LRBA: variants seen among roughly 807,000 people sequenced by gnomAD.
LRBA encodes the protein LPS responsive beige-like anchor protein.
Under a neutral mutation model 330.0 loss-of-function variants are expected in LRBA, and 176 were observed. The observed-to-expected ratio is 0.53, with a 90% CI of 0.47 to 0.60. LRBA has a LOEUF of 0.60. Among genes scored for constraint, LRBA ranks in the 20% least tolerant of loss-of-function variants. The pLI is 0.00. For synonymous variants in LRBA, 1,230 were observed against 1,193.0 expected (o/e 1.03, Z -0.64); for missense variants, 3,259 against 3,444.8 (o/e 0.95, Z 1.35).
chr4:150,906,435 A>G, intron 11 of LRBA, 30 bp from the exon 12 acceptor site: 1 of 1,196,542 alleles, frequency 8.4e-7, no homozygotes, highest in South Asian at 1.3e-5. Flanking sequence ...CGATGATTAA[A>G]AAAACATATT....
At chr4:150,569,868 A>C (rs969707988) in intron 40 of LRBA, among the ~76,000 whole-genome samples, 2 of 152,168 alleles carry the variant, frequency 1.3e-5, no homozygotes, top group Non-Finnish European at 2.9e-5. Flanking sequence ...TGTGTTAAAA[A>C]GCATAAGATG....
intron 47 of LRBA, among the ~76,000 whole-genome samples, chr4:150,384,674 C>T (rs1158333831): frequency 6.6e-6 from 1 of 151,296 alleles, no homozygotes; most frequent in Non-Finnish European, 1.5e-5. Flanking sequence ...TAGAGTAAAA[C>T]AATATATATT....
chr4:150,763,522 G>C (rs6852035), intron 34 of LRBA, among the ~76,000 whole-genome samples: 132,816 of 151,898 alleles, frequency 0.87, 58,457 homozygotes, highest in Non-Finnish European at 0.94. Flanking sequence ...TAATTTAAAA[G>C]CATTTTCTTT....
At chr4:150,385,981 T>TA (rs1743004054) in intron 47 of LRBA, among the ~76,000 whole-genome samples, 2 of 152,306 alleles carry the variant, frequency 1.3e-5, no homozygotes, top group Admixed American at 1.3e-4. Context: ...TCTAGATACT[T>TA]AGAGGAACAA....
intron 4 of LRBA, among the ~76,000 whole-genome samples, chr4:150,925,036 G>A (rs1733735896): frequency 6.6e-6 from 1 of 151,924 alleles, no homozygotes; most frequent in African/African-American, 2.4e-5. Context: ...CTGGCATGGT[G>A]GCACATGTCC....
At chr4:150,391,491 C>T (rs1448595306) in intron 47 of LRBA, among the ~76,000 whole-genome samples, 1 of 152,158 alleles carries the variant, frequency 6.6e-6, no homozygotes, top group East Asian at 1.9e-4. Context: ...AGATCAATTA[C>T]ACTCAAACAT....
intron 47 of LRBA, among the ~76,000 whole-genome samples, chr4:150,374,591 C>T (rs1338776099): frequency 6.6e-6 from 1 of 152,250 alleles, no homozygotes; most frequent in East Asian, 1.9e-4. Context: ...ATACGAAATG[C>T]TCCAAAGTCT....
At chr4:150,289,930 G>C (rs1384908805) in intron 53 of LRBA, among the ~76,000 whole-genome samples, 1 of 152,188 alleles carries the variant, frequency 6.6e-6, no homozygotes, top group African/African-American at 2.4e-5. Context: ...GGGTAGCGGG[G>C]ATAATCGGAG....
chr4:150,451,803 A>G (rs1398947634), intron 44 of LRBA, among the ~76,000 whole-genome samples: 1 of 152,190 alleles, frequency 6.6e-6, no homozygotes, highest in Non-Finnish European at 1.5e-5. Context: ...GCCAGTATCA[A>G]GAATGAATGA....
At chr4:150,848,668 C>T in intron 26 of LRBA, 150 bp downstream of exon 26, 1 of 493,898 alleles carries the variant, frequency 2.0e-6, no homozygotes. Context: ...AACTTACCAA[C>T]TACTACTATG....
chr4:150,269,760 G>A (rs1221255318), intron 56 of LRBA, among the ~76,000 whole-genome samples: 2 of 152,260 alleles, frequency 1.3e-5, no homozygotes, highest in Non-Finnish European at 2.9e-5. Flanking sequence ...ACCAGCCTGG[G>A]CAACATAGTG....
intron 15 of LRBA, among the ~76,000 whole-genome samples, chr4:150,897,449 C>T (rs1730212740): frequency 1.3e-5 from 2 of 151,890 alleles, no homozygotes; most frequent in African/African-American, 2.4e-5. Flanking sequence ...AGTTTAGTGC[C>T]AAATACTAAC....
intron 40 of LRBA, chr4:150,582,684 T>G: frequency 4.6e-6 from 1 of 217,160 alleles, no homozygotes; most frequent in Non-Finnish European, 9.1e-6. Flanking sequence ...GTTTTTTCCC[T>G]CTCCTTCTCC....
At chr4:150,500,685 C>A (rs1760155565) in intron 40 of LRBA, among the ~76,000 whole-genome samples, 1 of 152,148 alleles carries the variant, frequency 6.6e-6, no homozygotes, top group Non-Finnish European at 1.5e-5. Context: ...GTAGCAGATA[C>A]AATATGATTT....
chr4:150,899,998 A>T, intron 14 of LRBA, 51 bp downstream of exon 14: 1 of 1,390,220 alleles, frequency 7.2e-7, no homozygotes, highest in Non-Finnish European at 9.8e-7. Context: ...AAGAAAAATT[A>T]AATCCTGATT....
intron 8 of LRBA, among the ~76,000 whole-genome samples, chr4:150,914,559 A>T (rs1203651716): frequency 6.6e-6 from 1 of 152,148 alleles, no homozygotes; most frequent in East Asian, 1.9e-4. Flanking sequence ...TTCTCAAGCC[A>T]AACAACCTAG....
At chr4:150,754,661 A>G (rs981570104) in intron 35 of LRBA, among the ~76,000 whole-genome samples, 12 of 152,192 alleles carry the variant, frequency 7.9e-5, no homozygotes, top group Admixed American at 6.6e-5. Flanking sequence ...AGAGCACAGT[A>G]ACTCACGCCT....
chr4:150,857,392 C>T (rs1751351321), intron 22 of LRBA, among the ~76,000 whole-genome samples: 1 of 152,112 alleles, frequency 6.6e-6, no homozygotes, highest in Non-Finnish European at 1.5e-5. Flanking sequence ...AGGAAGAACA[C>T]TGACAAAAGA....
intron 47 of LRBA, among the ~76,000 whole-genome samples, chr4:150,391,376 T>A (rs549563165): frequency 6.6e-6 from 1 of 152,220 alleles, no homozygotes; most frequent in East Asian, 1.9e-4. Flanking sequence ...GTATGAAAGA[T>A]GTAAACCTTA....
Sources: gnomAD v4.1 joint callset for allele counts (sites outside exome capture counted in the v4.1 genomes callset) on GRCh38, gnomAD v4.1.1 for gene constraint, MANE v1.5 for transcripts, NCBI Gene and HGNC (gene_info 2026-07-23, HGNC 2026-07-21) for gene names.